ANK2: variants seen among roughly 807,000 people sequenced by gnomAD.
ANK2 encodes the protein ankyrin-2.
In ANK2, 83 loss-of-function variants were observed where a neutral mutation model predicts 360.5. The observed-to-expected ratio is 0.23, with a 90% CI of 0.19 to 0.28. ANK2 has a LOEUF of 0.28. ANK2 is among the 10% of genes least tolerant of loss of function. ANK2 has a pLI of 1.00. For missense variants in ANK2, 4,201 were observed against 4,795.7 expected (o/e 0.88, Z 3.66); for synonymous variants, 1,740 against 1,759.5 (o/e 0.99, Z 0.28).
intron 22 of ANK2, among the ~76,000 whole-genome samples, chr4:113,296,066 C>T (rs2071254216): frequency 6.7e-6 from 1 of 150,198 alleles, no homozygotes; most frequent in East Asian, 1.9e-4. Context: ...ATATGTAAGG[C>T]ATTGAGGGAA....
rs140604600 is a variant in ANK2, at chr4:113,358,297, A to C, written c.9679A>C (p.Thr3227Pro). The C allele has an allele frequency of 7.4e-5, 119 of 1,613,380 alleles. No homozygotes were observed. Among genetic ancestry groups the C allele is most frequent in the Non-Finnish European group, 9.2e-5 (108 of 1,179,636 alleles). ...TAGTGTAGGGACCAAGGACCTCCCC[A>C]CCGTGCAAACGGGTGATATACCTCC... ...AVSVGTKDLP[T>P]VQTGDIPPLS... Residue 3227 changes from threonine (T) to proline (P), a missense_variant, in exon 38 of 46, where the codon ACC becomes CCC. This residue lies in a region of ANK2 where 2,642 missense variants were observed against 2,714.5 expected (regional missense o/e 0.97). Transcript: ENST00000357077.
At chr4:112,892,864 G>A (rs552421983) in intron 1 of ANK2, among the ~76,000 whole-genome samples, 119 of 152,220 alleles carry the variant, frequency 7.8e-4, no homozygotes, top group African/African-American at 2.8e-3. Context: ...AAAACCAATC[G>A]AACTCCAAGT....
Position 113,267,077 on chromosome 4 carries a change from C to T in ANK2, c.1485+2082C>T, listed in dbSNP as rs190264734. Among the ~76,000 whole-genome samples, 66 of 152,236 alleles carry T rather than the reference C, an allele frequency of 4.3e-4. 1 individual carries two copies. The South Asian group carries it at 6.2e-3, about 14-fold the overall frequency. ...TTGAAAAGTGTCTGTTCATATCCTT[C>T]GCCGACTTTTCAATGGGGTTGTATG... is the stretch of plus-strand genomic sequence containing the variant. On this transcript the variant is annotated intron_variant, in intron 14 of 45. Coordinates refer to ENST00000357077, the MANE Select transcript of ANK2 (RefSeq NM_001148.6).
rs374257100 is a variant in ANK2 at position 113,358,765 on chromosome 4, G to A, written c.10147G>A (p.Ala3383Thr). The stretch of plus-strand genomic sequence containing the variant: ...TCAGGGACAGGACATGGCAAGCATC[G>A]CACCAGATAATAGAAGCAAATCTGA... Reference protein sequence around the residue: ...APQGQDMASIAPDNRSKSESD... With the variant: ...APQGQDMASITPDNRSKSESD... Residue 3383 changes from alanine (A) to threonine (T), a missense_variant, in exon 38 of 46, where the codon GCA becomes ACA. Physicochemically the swap from Ala to Thr is moderately conservative, Grantham distance 58. Coordinates refer to ENST00000357077, the MANE Select transcript of ANK2 (RefSeq NM_001148.6). The A allele has an allele frequency of 3.9e-5, 63 of 1,613,898 alleles. No homozygotes were observed. The highest frequency in any genetic ancestry group is 4.9e-5 in the Non-Finnish European group (58 of 1,179,970).
chr4:113,048,276 ATTTTTTTT>A (rs1165941601), upstream of ANK2, among the ~76,000 whole-genome samples: 93 of 39,472 alleles, frequency 2.4e-3, no homozygotes, highest in East Asian at 0.015. Flanking sequence ...ATATATATAT[ATTTTTTTT>A]TTTTTTTTTT....
At chr4:113,097,747 G>A (rs2091681152) in intron 1 of ANK2, among the ~76,000 whole-genome samples, 1 of 151,282 alleles carries the variant, frequency 6.6e-6, no homozygotes. Context: ...AATTATTTTA[G>A]CTTTTACAAA....
chr4:112,832,617 A>G (rs2060055993), intron 1 of ANK2, among the ~76,000 whole-genome samples: 2 of 152,202 alleles, frequency 1.3e-5, no homozygotes, highest in South Asian at 2.1e-4. Flanking sequence ...CTGATATTGT[A>G]TGATATTCAA....
At chr4:112,981,705 A>G (rs2043168209) in intron 2 of ANK2, among the ~76,000 whole-genome samples, 2 of 152,224 alleles carry the variant, frequency 1.3e-5, no homozygotes. Context: ...CTAAGGAAGA[A>G]GCATAGGAAA....
At chr4:112,864,614 A>G (rs959872492) in intron 1 of ANK2, among the ~76,000 whole-genome samples, 1 of 152,070 alleles carries the variant, frequency 6.6e-6, no homozygotes, top group Non-Finnish European at 1.5e-5. Context: ...CCGGCCGGTA[A>G]GGATTTTTAA....
chr4:113,115,840 A>G (rs1031702424), intron 1 of ANK2, among the ~76,000 whole-genome samples: 3 of 152,194 alleles, frequency 2.0e-5, no homozygotes, highest in Non-Finnish European at 4.4e-5. Context: ...TAACAATAGC[A>G]TATATGTAGA....
chr4:112,957,004 CTTG>C (rs1436372337), intron 2 of ANK2, among the ~76,000 whole-genome samples: 6 of 92,474 alleles, frequency 6.5e-5, no homozygotes, highest in African/African-American at 1.7e-4. Flanking sequence ...CACTATTGCT[CTTG>C]TTTTTTTTTT....
chr4:113,225,122 A>T (rs561837680), intron 4 of ANK2, among the ~76,000 whole-genome samples: 1 of 152,192 alleles, frequency 6.6e-6, no homozygotes, highest in African/African-American at 2.4e-5. Flanking sequence ...ACAATAAAGA[A>T]CATTCCACTT....
chr4:112,742,058 G>A, the ANK2 span, among the ~76,000 whole-genome samples: 1 of 152,080 alleles, frequency 6.6e-6, no homozygotes, highest in Non-Finnish European at 1.5e-5. Flanking sequence ...TTGGGAGACT[G>A]AAGTGGGAGG....
intron 1 of ANK2, among the ~76,000 whole-genome samples, chr4:113,051,060 A>T (rs1416206373): frequency 2.6e-5 from 4 of 152,158 alleles, no homozygotes; most frequent in African/African-American, 9.7e-5. Context: ...AATTCAGGGC[A>T]AGCAGGAACA....
intron 1 of ANK2, among the ~76,000 whole-genome samples, chr4:112,873,788 T>C (rs1053867408): frequency 1.6e-4 from 25 of 151,956 alleles, no homozygotes; most frequent in African/African-American, 6.0e-4. Context: ...GTGATCCGCC[T>C]GCCTCAGCCT....
intron 1 of ANK2, among the ~76,000 whole-genome samples, chr4:113,075,941 G>A (rs1456970103): frequency 1.3e-5 from 2 of 152,152 alleles, no homozygotes; most frequent in African/African-American, 4.8e-5. Context: ...ATCAGTGGAT[G>A]TTGCTCAAAA....
intron 1 of ANK2, among the ~76,000 whole-genome samples, chr4:113,156,047 G>A (rs999285273): frequency 2.0e-5 from 3 of 152,176 alleles, no homozygotes; most frequent in Non-Finnish European, 4.4e-5. Context: ...CTTTGACACT[G>A]TTAATTCACT....
chr4:112,745,836 A>G, the ANK2 span, among the ~76,000 whole-genome samples: 26 of 152,030 alleles, frequency 1.7e-4, no homozygotes, highest in East Asian at 5.0e-3. Context: ...CCCGGCCCCA[A>G]TTACTAGATC....
chr4:112,792,203 G>A, the ANK2 span, among the ~76,000 whole-genome samples: 1 of 151,750 alleles, frequency 6.6e-6, no homozygotes, highest in Non-Finnish European at 1.5e-5. Context: ...CACCACACCT[G>A]GGTAATTTTG....
Sources: allele counts gnomAD v4.1 joint callset (sites outside exome capture counted in the v4.1 genomes callset), GRCh38; gene constraint gnomAD v4.1.1; regional missense constraint gnomAD v4.1.1; transcripts MANE v1.5; gene names NCBI Gene and HGNC (gene_info 2026-07-23, HGNC 2026-07-21).